The following DAB1 variants were observed in gnomAD, a reference collection of about 807,000 sequenced individuals.
The protein encoded by DAB1 is DAB adaptor protein 1, also known as disabled homolog 1.
A neutral mutation model predicts 64.6 loss-of-function variants in DAB1; 15 were observed. That is an observed-to-expected ratio of 0.23 (90% confidence interval 0.16 to 0.36). The LOEUF is 0.36. Ranked by LOEUF, DAB1 falls within the 10% of genes least tolerant of loss-of-function variation. The probability of loss-of-function intolerance (pLI) is 1.00; values close to 1 mark genes in which losing one functional copy is unlikely to be tolerated. For synonymous variants in DAB1, 235 were observed against 251.9 expected, an observed-to-expected ratio of 0.93 and a Z score of 0.64; for missense variants, 596 against 706.7, an observed-to-expected ratio of 0.84 and a Z score of 1.78.
At chr1:57,803,594 G>C (rs1365907419) in intron 6 of DAB1, among the ~76,000 whole-genome samples, 2 of 152,182 alleles carry the variant, frequency 1.3e-5, no homozygotes, top group Admixed American at 1.3e-4. Context: ...TAGATGATCT[G>C]GGAAAATCCA....
At chr1:57,759,018 G>C (rs1318584854) in intron 6 of DAB1, among the ~76,000 whole-genome samples, 1 of 152,134 alleles carries the variant, frequency 6.6e-6, no homozygotes, top group Non-Finnish European at 1.5e-5. Context: ...ATTTTAAACA[G>C]TTGATTCCTA....
intron 3 of DAB1, among the ~76,000 whole-genome samples, chr1:58,453,967 A>G (rs898617641): frequency 6.6e-6 from 1 of 151,922 alleles, no homozygotes. Context: ...TCCTGCTTGC[A>G]CATCAGCTTG....
At chr1:57,266,768 G>A (rs957665683) in intron 2 of DAB1, among the ~76,000 whole-genome samples, 2 of 152,204 alleles carry the variant, frequency 1.3e-5, no homozygotes, top group Non-Finnish European at 2.9e-5. Flanking sequence ...TGAGCAATAT[G>A]TATAAATACT....
chr1:57,106,491 G>C (rs1278540282), intron 4 of DAB1, among the ~76,000 whole-genome samples: 2 of 152,124 alleles, frequency 1.3e-5, no homozygotes, highest in Non-Finnish European at 2.9e-5. Context: ...TGATGTATGT[G>C]GGTCTGGATC....
At position 57,408,671 on chromosome 1, in the gene DAB1, T is replaced by C. The variant is rs1427524285; in HGVS notation, c.-137+15259A>G. On this transcript the variant is annotated intron_variant, in intron 1 of 14. Transcript: ENST00000371236. ...AATTTTCTGCAAGGGCCAGGATGGA[T>C]GGGATACGGTAGGAGAAATGAGGAG... is the stretch of plus-strand genomic sequence containing the variant. Among the ~76,000 whole-genome samples the C allele has an allele frequency of 4.6e-5, 7 of 152,156 alleles. No homozygotes were observed. The East Asian group carries it at 1.4e-3, about 29-fold the overall frequency.
chr1:57,388,031 T>C (rs191563003), intron 1 of DAB1, among the ~76,000 whole-genome samples: 2 of 152,306 alleles, frequency 1.3e-5, no homozygotes, highest in Non-Finnish European at 2.9e-5. Flanking sequence ...TTCATCTCCA[T>C]TTCCAGGCAC....
At chr1:57,108,566 T>C (rs1429412302) in intron 4 of DAB1, among the ~76,000 whole-genome samples, 3 of 152,226 alleles carry the variant, frequency 2.0e-5, no homozygotes, top group Non-Finnish European at 1.5e-5. Context: ...TTCATTAAAA[T>C]GTAAGCTCCT....
chr1:57,905,253 C>T (rs978188986), intron 5 of DAB1, among the ~76,000 whole-genome samples: 1 of 151,748 alleles, frequency 6.6e-6, no homozygotes, highest in Non-Finnish European at 1.5e-5. Flanking sequence ...CAGAATAAAG[C>T]GTGAAAGTCT....
At chr1:57,450,892 T>A (rs1190967089) in intron 7 of DAB1, among the ~76,000 whole-genome samples, 1 of 152,212 alleles carries the variant, frequency 6.6e-6, no homozygotes, top group Admixed American at 6.6e-5. Context: ...AATAAATGTG[T>A]TCCAGTAGGA....
intron 7 of DAB1, among the ~76,000 whole-genome samples, chr1:57,629,421 T>C (rs1348168821): frequency 1.3e-5 from 2 of 151,958 alleles, no homozygotes; most frequent in Non-Finnish European, 2.9e-5. Flanking sequence ...TAGGGCCCTA[T>C]AGAGGTAAGG....
At chr1:58,265,212 C>T (rs1398889066) in intron 4 of DAB1, among the ~76,000 whole-genome samples, 1 of 152,186 alleles carries the variant, frequency 6.6e-6, no homozygotes, top group East Asian at 1.9e-4. Flanking sequence ...GAAACTGAGG[C>T]TCAGAGAGAG....
intron 2 of DAB1, among the ~76,000 whole-genome samples, chr1:57,263,265 G>A (rs1433288602): frequency 6.6e-6 from 1 of 152,036 alleles, no homozygotes; most frequent in Non-Finnish European, 1.5e-5. Flanking sequence ...ACAGGTGCCT[G>A]CCACCGTGCC....
At chr1:58,034,946 C>A (rs188830687) in intron 5 of DAB1, among the ~76,000 whole-genome samples, 4 of 152,182 alleles carry the variant, frequency 2.6e-5, no homozygotes, top group African/African-American at 9.7e-5. Flanking sequence ...GGAGAGTCTA[C>A]GTCTCTTCCC....
intron 6 of DAB1, among the ~76,000 whole-genome samples, chr1:57,772,374 T>C (rs1649600032): frequency 6.6e-6 from 1 of 152,174 alleles, no homozygotes; most frequent in Non-Finnish European, 1.5e-5. Context: ...AAACAAATTA[T>C]CCAGTTTCAG....
chr1:58,426,314 G>GGAA (rs1228156494), intron 3 of DAB1, among the ~76,000 whole-genome samples: 1 of 152,156 alleles, frequency 6.6e-6, no homozygotes, highest in Non-Finnish European at 1.5e-5. Context: ...CCTGGATTTA[G>GGAA]ACAGGGGACT....
chr1:58,162,320 C>T (rs1411208215), intron 4 of DAB1, among the ~76,000 whole-genome samples: 2 of 152,154 alleles, frequency 1.3e-5, no homozygotes, highest in African/African-American at 4.8e-5. Flanking sequence ...TCTCTGTCAG[C>T]CCACAGCAAC....
At chr1:57,577,229 T>C (rs1645260960) in intron 7 of DAB1, among the ~76,000 whole-genome samples, 1 of 152,184 alleles carries the variant, frequency 6.6e-6, no homozygotes, top group Non-Finnish European at 1.5e-5. Context: ...CTTACAATAC[T>C]GTGTTTATCA....
chr1:58,109,078 C>A (rs2100647680), intron 5 of DAB1, among the ~76,000 whole-genome samples: 1 of 152,324 alleles, frequency 6.6e-6, no homozygotes, highest in East Asian at 1.9e-4. Context: ...TATTAAAAAA[C>A]AAGGTGGAAC....
intron 7 of DAB1, among the ~76,000 whole-genome samples, chr1:57,437,867 A>T (rs1290104482): frequency 6.6e-6 from 1 of 152,194 alleles, no homozygotes; most frequent in East Asian, 1.9e-4. Context: ...GAGTCAGATG[A>T]TCACATTCAT....
Sources: gnomAD v4.1 joint callset for allele counts (sites outside exome capture counted in the v4.1 genomes callset) on GRCh38, gnomAD v4.1.1 for gene constraint, MANE v1.5 for transcripts, NCBI Gene and HGNC (gene_info 2026-07-23, HGNC 2026-07-21) for gene names.